The following TRMT9B variants were observed in gnomAD, a reference collection of about 807,000 sequenced individuals.
TRMT9B encodes the protein tRNA methyltransferase 9B (putative).
TRMT9B carries 16 observed loss-of-function variants against 11.5 expected under a neutral mutation model. The observed-to-expected ratio is 1.39, with a 90% confidence interval of 0.94 to 2.11. TRMT9B has a LOEUF of 2.11. Among genes scored for constraint, TRMT9B ranks in the 30% most tolerant of loss-of-function variants. TRMT9B has a pLI of 0.00. For synonymous variants in TRMT9B, 274 were observed against 192.4 expected (o/e 1.42, Z -3.51); for missense variants, 941 against 553.8 (o/e 1.70, Z -7.02).
chr8:13,004,701 C>G (rs1267694198), intron 2 of TRMT9B, among the ~76,000 whole-genome samples: 1 of 152,058 alleles, frequency 6.6e-6, no homozygotes, highest in South Asian at 2.1e-4. Context: ...GGGTGAGACT[C>G]TGAGTCTTGC....
intron 2 of TRMT9B, among the ~76,000 whole-genome samples, chr8:12,994,532 C>G (rs969852973): frequency 1.3e-5 from 2 of 152,106 alleles, no homozygotes; most frequent in Non-Finnish European, 2.9e-5. Context: ...TTAATTTATG[C>G]GTCTTAGCTA....
At chr8:12,993,922 C>A (rs1807855721) in intron 2 of TRMT9B, among the ~76,000 whole-genome samples, 1 of 152,234 alleles carries the variant, frequency 6.6e-6, no homozygotes, top group Admixed American at 6.5e-5. Context: ...GGAACTGCTG[C>A]AAACTAAACC....
intron 1 of TRMT9B, among the ~76,000 whole-genome samples, chr8:12,961,495 A>T (rs1802099978): frequency 6.6e-6 from 1 of 151,784 alleles, no homozygotes; most frequent in African/African-American, 2.4e-5. Flanking sequence ...AGGTCAGGAG[A>T]TGGAGACCAT....
intron 1 of TRMT9B, among the ~76,000 whole-genome samples, chr8:12,980,945 T>C (rs933676733): frequency 7.2e-5 from 11 of 152,298 alleles, no homozygotes; most frequent in African/African-American, 2.6e-4. Flanking sequence ...TTTGTTTGTT[T>C]GTGTTTCTTT....
Position 13,027,284 on chromosome 8 carries a change from C to T in TRMT9B, c.*5240C>T, listed in dbSNP as rs1814801967. The T allele has an allele frequency of 6.0e-6, 1 of 166,950 alleles. No homozygotes were observed. Among genetic ancestry groups the T allele is most frequent in the Non-Finnish European group, 1.5e-5 (1 of 68,118 alleles). The allele number at this position is 166,950 out of a possible 1,614,324, so 10.3% of individuals were successfully genotyped here. On this transcript the variant is annotated 3_prime_UTR_variant, in exon 5 of 5. Coordinates refer to ENST00000524591, the MANE Select transcript of TRMT9B (RefSeq NM_020844.3). ...CCAAGCTGAAACATTCTTCGTATTCCCTGTGTGCCTATTACCAAGTTATAT... is the reference window on the plus strand; with the variant it reads ...CCAAGCTGAAACATTCTTCGTATTCTCTGTGTGCCTATTACCAAGTTATAT...
chr8:12,963,831 T>C lies in TRMT9B; in HGVS notation c.-200+17865T>C, dbSNP rs564021995. ...TTAAGCTGTGCCTGAGTAGCTCCTGTTTTCTGTTTATTTAAACTAGGCTGC... is the reference window on the plus strand; with the variant it reads ...TTAAGCTGTGCCTGAGTAGCTCCTGCTTTCTGTTTATTTAAACTAGGCTGC... On this transcript the variant is annotated intron_variant, in intron 1 of 4. Transcript: ENST00000524591. 9.4e-4 allele frequency among the ~76,000 whole-genome samples: 143 copies of C among 152,328 alleles called. 2 individuals are homozygous for C. The South Asian group carries it at 0.01, about 11-fold the overall frequency.
At chr8:13,003,505 T>C (rs1809843654) in intron 2 of TRMT9B, among the ~76,000 whole-genome samples, 1 of 152,096 alleles carries the variant, frequency 6.6e-6, no homozygotes, top group African/African-American at 2.4e-5. Context: ...ATAGCATATG[T>C]TCAGGCCCCT....
At position 13,009,301 on chromosome 8, in the gene TRMT9B, G is replaced by T. The variant is rs1451220772; in HGVS notation, c.154+2945G>T. Among the ~76,000 whole-genome samples, 3 of 151,974 alleles carry T rather than the reference G, an allele frequency of 2.0e-5. No homozygotes were observed. The South Asian group carries it at 6.2e-4, about 32-fold the overall frequency. On this transcript the variant is annotated intron_variant, in intron 3 of 4. Coordinates refer to ENST00000524591, the MANE Select transcript of TRMT9B (RefSeq NM_020844.3). ...GAAATGGTAAGACGTTGGTTAAAAGGCTCAGAGTATCAAACAGAAGGAATT... is the reference window on the plus strand; with the variant it reads ...GAAATGGTAAGACGTTGGTTAAAAGTCTCAGAGTATCAAACAGAAGGAATT...
chr8:12,962,247 C>A (rs576761553), intron 1 of TRMT9B: 1 of 152,192 alleles, frequency 6.6e-6, no homozygotes, highest in Non-Finnish European at 1.5e-5. Flanking sequence ...ATATGCCATT[C>A]CCTTCAAAAG....
intron 1 of TRMT9B, among the ~76,000 whole-genome samples, chr8:12,946,955 AC>A (rs1169529970): frequency 1.3e-5 from 2 of 152,110 alleles, no homozygotes; most frequent in African/African-American, 4.8e-5. Context: ...GCAGCTACAC[AC>A]TTTCTAGCAG....
In TRMT9B at chr8:13,028,231, G is replaced by A. The variant is rs748460909; in HGVS notation, c.*6187G>A. 1 of 167,060 alleles carries A rather than the reference G, an allele frequency of 6.0e-6. No individual in the cohort carries two copies. The highest frequency in any genetic ancestry group is 2.1e-4 in the South Asian group (1 of 4,832). The allele number at this position is 167,060 out of a possible 1,614,324, so 10.3% of individuals were successfully genotyped here. On this transcript the variant is annotated 3_prime_UTR_variant, in exon 5 of 5. Coordinates refer to ENST00000524591, the MANE Select transcript of TRMT9B (RefSeq NM_020844.3). The stretch of plus-strand genomic sequence containing the variant: ...ACAGATAATCAATGACTTTATTTGG[G>A]AGGGATTGGAGCTATAGAATAATCT...
chr8:12,949,689 A>C (rs1199733230), intron 1 of TRMT9B, among the ~76,000 whole-genome samples: 1 of 152,200 alleles, frequency 6.6e-6, no homozygotes, highest in Non-Finnish European at 1.5e-5. Flanking sequence ...TTCAGAAAAC[A>C]AATGCAAATA....
chr8:12,960,298 A>G (rs77909615), intron 1 of TRMT9B: 17 of 152,352 alleles, frequency 1.1e-4, no homozygotes, highest in African/African-American at 3.8e-4. Flanking sequence ...ACCAAGCTTA[A>G]GAAAATATAT....
chr8:12,993,033 G>A (rs1807654867), intron 2 of TRMT9B, among the ~76,000 whole-genome samples: 1 of 152,204 alleles, frequency 6.6e-6, no homozygotes. Context: ...AGAATAGACT[G>A]CTGGCTTCAG....
intron 2 of TRMT9B, among the ~76,000 whole-genome samples, chr8:12,991,331 T>A (rs1480124943): frequency 1.3e-5 from 2 of 152,220 alleles, no homozygotes; most frequent in Non-Finnish European, 2.9e-5. Context: ...ATATCATTTG[T>A]ACTTGGAAAT....
chr8:13,009,220 G>A (rs1442375529), intron 3 of TRMT9B, among the ~76,000 whole-genome samples: 1 of 152,072 alleles, frequency 6.6e-6, no homozygotes, highest in Non-Finnish European at 1.5e-5. Context: ...TAGAAGGAGA[G>A]ATTAAAATGG....
chr8:12,977,801 G>GGAGGATGGCTTGAA (rs1804695216), intron 1 of TRMT9B, among the ~76,000 whole-genome samples: 1 of 152,014 alleles, frequency 6.6e-6, no homozygotes, highest in Non-Finnish European at 1.5e-5. Flanking sequence ...GATGGCTTGA[G>GGAGGATGGCTTGAA]GCCAGGAGTT....
At chr8:13,017,795 TA>T (rs1813015281) in intron 4 of TRMT9B, among the ~76,000 whole-genome samples, 1 of 151,620 alleles carries the variant, frequency 6.6e-6, no homozygotes, top group Admixed American at 6.6e-5. Context: ...TTTTATTTTT[TA>T]TTTTTTTGGT....
intron 2 of TRMT9B, among the ~76,000 whole-genome samples, chr8:13,000,285 C>G (rs1384295389): frequency 3.3e-5 from 5 of 152,186 alleles, no homozygotes; most frequent in Non-Finnish European, 7.4e-5. Flanking sequence ...AGCCTAATCA[C>G]ATGTCCAGGG....
Sources: allele counts gnomAD v4.1 joint callset (sites outside exome capture counted in the v4.1 genomes callset), GRCh38; gene constraint gnomAD v4.1.1; transcripts MANE v1.5; gene names NCBI Gene and HGNC (gene_info 2026-07-23, HGNC 2026-07-21).